The following FAM241A variants were observed in gnomAD, a reference collection of about 807,000 sequenced individuals.
FAM241A encodes the protein uncharacterized protein FAM241A.
Under a neutral mutation model 12.2 loss-of-function variants are expected in FAM241A, and 7 were observed. The ratio of observed to expected loss-of-function variants is 0.58; its 90% confidence interval spans 0.33 to 1.08. FAM241A has a LOEUF of 1.08. Ranked by LOEUF, FAM241A falls within the 50% of genes least tolerant of loss-of-function variation. The pLI, the probability that FAM241A is intolerant of heterozygous loss-of-function variation, is 0.04. For missense variants in FAM241A, 161 were observed against 169.7 expected, an observed-to-expected ratio of 0.95 and a Z score of 0.29; for synonymous variants, 74 against 68.2, an observed-to-expected ratio of 1.08 and a Z score of -0.42.
rs1430489739 is a variant in FAM241A at position 112,193,925 on chromosome 4, A to C, written c.*6987A>C. The C allele has an allele frequency of 6.7e-6, 1 of 148,620 alleles. No individual in the cohort carries two copies. Among genetic ancestry groups the C allele is most frequent in the African/African-American group, 2.5e-5 (1 of 39,646 alleles). 9.2% of individuals were successfully genotyped at this position (148,620 alleles called of 1,614,324 possible). On this transcript the variant is annotated 3_prime_UTR_variant, in exon 2 of 2. Transcript: ENST00000309733. Reference sequence around the variant, plus strand: ...TTGATGGGGATGGCATTGAATCTATAAATTACCTTGGGCAGTATGGCCATT... The same window carrying C: ...TTGATGGGGATGGCATTGAATCTATCAATTACCTTGGGCAGTATGGCCATT...
At chr4:112,183,662 G>A (rs1243962013) in intron 1 of FAM241A, among the ~76,000 whole-genome samples, 3 of 151,054 alleles carry the variant, frequency 2.0e-5, no homozygotes, top group Non-Finnish European at 2.9e-5. Flanking sequence ...AGTACAATGA[G>A]TGCATAGATT....
rs893413265 is a variant in FAM241A at position 112,190,000 on chromosome 4, G to A, written c.*3062G>A. On this transcript the variant is annotated 3_prime_UTR_variant, in exon 2 of 2. Coordinates refer to ENST00000309733, the MANE Select transcript of FAM241A (RefSeq NM_152400.3). Reference sequence around the variant, plus strand: ...AAAGCATATGAGGTAAATCCCCATCGACCCACCCAAAACTGAATCTGGCTC... The same window carrying A: ...AAAGCATATGAGGTAAATCCCCATCAACCCACCCAAAACTGAATCTGGCTC... The A allele has an allele frequency of 5.9e-5, 9 of 152,026 alleles. No homozygotes were observed. The highest frequency in any genetic ancestry group is 2.2e-4 in the African/African-American group (9 of 41,386). The allele number at this position is 152,026 out of a possible 1,614,324, so 9.4% of individuals were successfully genotyped here.
chr4:112,186,395 A>G (rs1336745210), intron 1 of FAM241A, among the ~76,000 whole-genome samples: 1 of 152,190 alleles, frequency 6.6e-6, no homozygotes, highest in Non-Finnish European at 1.5e-5. Flanking sequence ...GTCTAAAAAG[A>G]ATCTTACCAG....
chr4:112,145,458 C>T lies in FAM241A; in HGVS notation c.-123C>T, dbSNP rs1257215959. 24 of 1,007,406 alleles carry T rather than the reference C, an allele frequency of 2.4e-5. No homozygotes were observed. In the East Asian group the frequency reaches 4.1e-4, roughly 17 times the overall value. The allele number at this position is 1,007,406 out of a possible 1,614,324, so 62.4% of individuals were successfully genotyped here. A position where few individuals can be genotyped will look rare whatever the true frequency, so the allele number is the denominator to read the frequency against. ...GCGCCCAGGCCGGCGGGGCGCGCTC[C>T]GGCGGCTCCTGTCAGCGGCGGGTGC... is the stretch of plus-strand genomic sequence containing the variant. On this transcript the variant is annotated 5_prime_UTR_variant, in exon 1 of 2. Coordinates refer to ENST00000309733, the MANE Select transcript of FAM241A (RefSeq NM_152400.3).
intron 1 of FAM241A, among the ~76,000 whole-genome samples, chr4:112,176,046 A>G (rs2110431865): frequency 6.6e-6 from 1 of 152,232 alleles, no homozygotes; most frequent in Non-Finnish European, 1.5e-5. Context: ...GCAAAAGCCT[A>G]TTTATAGAAT....
rs1724066111 is a variant in FAM241A, at chr4:112,187,244, G to A, written c.*306G>A. On this transcript the variant is annotated 3_prime_UTR_variant, in exon 2 of 2. Transcript: ENST00000309733. Reference sequence around the variant, plus strand: ...AGTAACACCACCAGAAAGTGAACAGGGAAAATAACAGGACATGGAATTCAA... The same window carrying A: ...AGTAACACCACCAGAAAGTGAACAGAGAAAATAACAGGACATGGAATTCAA... 1 of 242,618 alleles carries A rather than the reference G, an allele frequency of 4.1e-6. No homozygotes were observed. The highest frequency in any genetic ancestry group is 7.9e-6 in the Non-Finnish European group (1 of 127,078). 15.0% of individuals were successfully genotyped at this position (242,618 alleles called of 1,614,324 possible). A position where few individuals can be genotyped will look rare whatever the true frequency, so the allele number is the denominator to read the frequency against.
rs1188357200 is a variant in FAM241A, at chr4:112,192,452, C to T, written c.*5514C>T. The T allele has an allele frequency of 2.6e-5, 4 of 151,034 alleles. No homozygotes were observed. The highest frequency in any genetic ancestry group is 3.9e-4 in the East Asian group (2 of 5,142). The allele number at this position is 151,034 out of a possible 1,614,324, so 9.4% of individuals were successfully genotyped here. ...TGCTAGTGTGCTGCACCCATTAACTCGTCATTTAGCATTAGGTATATCTCC... is the reference window on the plus strand; with the variant it reads ...TGCTAGTGTGCTGCACCCATTAACTTGTCATTTAGCATTAGGTATATCTCC... On this transcript the variant is annotated 3_prime_UTR_variant, in exon 2 of 2. Transcript: ENST00000309733.
chr4:112,187,006 A>G lies in FAM241A; in HGVS notation c.*68A>G, dbSNP rs1724062128. On this transcript the variant is annotated 3_prime_UTR_variant, in exon 2 of 2. Transcript: ENST00000309733. ...TGTAATTGAAGAAGTTATATATTTC[A>G]CTTTTTGACAACCGAAAAAGTTTGC... is the stretch of plus-strand genomic sequence containing the variant. 3.3e-6 allele frequency: 5 copies of G among 1,526,850 alleles called. No individual in the cohort carries two copies. The highest frequency in any genetic ancestry group is 4.4e-6 in the Non-Finnish European group (5 of 1,136,596). The allele number at this position is 1,526,850 out of a possible 1,614,324, so 94.6% of individuals were successfully genotyped here. A position where few individuals can be genotyped will look rare whatever the true frequency, so the allele number is the denominator to read the frequency against.
chr4:112,161,634 C>A (rs372078391), intron 1 of FAM241A, among the ~76,000 whole-genome samples: 3 of 152,110 alleles, frequency 2.0e-5, no homozygotes, highest in African/African-American at 7.2e-5. Context: ...CCTGAACAGA[C>A]CAATAACAGG....
chr4:112,169,057 T>C (rs780920115), intron 1 of FAM241A, among the ~76,000 whole-genome samples: 1 of 152,228 alleles, frequency 6.6e-6, no homozygotes, highest in Non-Finnish European at 1.5e-5. Context: ...TCTTCAATCT[T>C]CCATATAACT....
At chr4:112,183,286 A>AT (rs1723977119) in intron 1 of FAM241A, among the ~76,000 whole-genome samples, 1 of 151,916 alleles carries the variant, frequency 6.6e-6, no homozygotes, top group Non-Finnish European at 1.5e-5. Flanking sequence ...TTTTTTTATA[A>AT]TTAAAAAAAA....
chr4:112,161,584 C>T (rs1343249594), intron 1 of FAM241A, among the ~76,000 whole-genome samples: 1 of 152,164 alleles, frequency 6.6e-6, no homozygotes, highest in African/African-American at 2.4e-5. Context: ...TTCCTGGACA[C>T]ATACACCCTC....
At chr4:112,153,945 T>C (rs995857542) in intron 1 of FAM241A, among the ~76,000 whole-genome samples, 6 of 152,238 alleles carry the variant, frequency 3.9e-5, no homozygotes, top group African/African-American at 1.4e-4. Context: ...TATCTGTGTT[T>C]GAGAATTTCT....
chr4:112,173,947 T>G (rs749905207), intron 1 of FAM241A, among the ~76,000 whole-genome samples: 99 of 152,188 alleles, frequency 6.5e-4, no homozygotes, highest in Admixed American at 2.0e-4. Flanking sequence ...ATAAAAGTCT[T>G]TTAAAGTCTC....
At chr4:112,151,335 C>G (rs1723241238) in intron 1 of FAM241A, among the ~76,000 whole-genome samples, 1 of 152,154 alleles carries the variant, frequency 6.6e-6, no homozygotes, top group Admixed American at 6.5e-5. Flanking sequence ...AAGGCCCTTA[C>G]CAGAAGGAGA....
In FAM241A at chr4:112,190,981, A is replaced by G. The variant is rs1183810249; in HGVS notation, c.*4043A>G. On this transcript the variant is annotated 3_prime_UTR_variant, in exon 2 of 2. Coordinates refer to ENST00000309733, the MANE Select transcript of FAM241A (RefSeq NM_152400.3). ...CCAATTTGCATCTCTAGATCAGAGCACTGTACAGAATTTAAGACTCCTACA... is the reference window on the plus strand; with the variant it reads ...CCAATTTGCATCTCTAGATCAGAGCGCTGTACAGAATTTAAGACTCCTACA... 1 of 152,246 alleles carries G rather than the reference A, an allele frequency of 6.6e-6. No homozygotes were observed. Among genetic ancestry groups the G allele is most frequent in the Non-Finnish European group, 1.5e-5 (1 of 68,062 alleles). The allele number at this position is 152,246 out of a possible 1,614,324, so 9.4% of individuals were successfully genotyped here.
chr4:112,150,258 G>A (rs1172599180), intron 1 of FAM241A, among the ~76,000 whole-genome samples: 2 of 151,896 alleles, frequency 1.3e-5, no homozygotes, highest in African/African-American at 4.8e-5. Flanking sequence ...TCTGTATTAA[G>A]TTTTTATATT....
chr4:112,170,048 A>G (rs1214743465), intron 1 of FAM241A, among the ~76,000 whole-genome samples: 1 of 152,120 alleles, frequency 6.6e-6, no homozygotes, highest in Non-Finnish European at 1.5e-5. Context: ...GCGAGAAAAT[A>G]TTTTTTAGTC....
In FAM241A at chr4:112,189,832, C is replaced by T. The variant is rs542159327; in HGVS notation, c.*2894C>T. On this transcript the variant is annotated 3_prime_UTR_variant, in exon 2 of 2. Transcript: ENST00000309733. ...TATTTACACCAAAAAAATTAGTAAACACTGCAAATCAGATCTTTTTTTTTT... is the reference window on the plus strand; with the variant it reads ...TATTTACACCAAAAAAATTAGTAAATACTGCAAATCAGATCTTTTTTTTTT... 3 of 148,430 alleles carry T rather than the reference C, an allele frequency of 2.0e-5. No individual in the cohort carries two copies. The East Asian group carries it at 6.0e-4, about 30-fold the overall frequency. 9.2% of individuals were successfully genotyped at this position (148,430 alleles called of 1,614,324 possible). A position where few individuals can be genotyped will look rare whatever the true frequency, so the allele number is the denominator to read the frequency against.
Sources: allele counts gnomAD v4.1 joint callset (sites outside exome capture counted in the v4.1 genomes callset), GRCh38; gene constraint gnomAD v4.1.1; transcripts MANE v1.5; gene names NCBI Gene and HGNC (gene_info 2026-07-23, HGNC 2026-07-21).